Variants in APOO observed in about 807,000 individuals in gnomAD.
APOO encodes the protein apolipoprotein O.
In APOO, 11 loss-of-function variants were observed where a neutral mutation model predicts 23.1. That is an observed-to-expected ratio of 0.48 (90% CI 0.30 to 0.79). The LOEUF is 0.79. Ranked by LOEUF, APOO falls within the 30% of genes least tolerant of loss-of-function variation. The pLI, the probability that APOO is intolerant of heterozygous loss-of-function variation, is 0.07. For synonymous variants in APOO, 59 were observed against 54.8 expected (o/e 1.08, Z -0.34); for missense variants, 160 against 142.7 (o/e 1.12, Z -0.62).
chrX:23,845,377 C>G (rs1924182844), intron 7 of APOO, among the ~76,000 whole-genome samples: 1 of 111,988 alleles, frequency 8.9e-6, no homozygotes, highest in Non-Finnish European at 1.9e-5. Context: ...AACATGACAT[C>G]TGCCCTCTTG....
chrX:23,849,369 A>T (rs1924414275), intron 7 of APOO, among the ~76,000 whole-genome samples: 2 of 108,531 alleles, frequency 1.8e-5, no homozygotes, highest in African/African-American at 6.7e-5. Context: ...TGCCAAAAGG[A>T]TCAAACAGGA....
chrX:23,862,494 G>T (rs970371751), intron 5 of APOO, among the ~76,000 whole-genome samples: 1 of 109,930 alleles, frequency 9.1e-6, no homozygotes, highest in Non-Finnish European at 1.9e-5. Flanking sequence ...ACACAAGATA[G>T]GCTGGGCGCA....
intron 1 of APOO, among the ~76,000 whole-genome samples, chrX:23,891,641 G>A (rs1472589231): frequency 9.0e-6 from 1 of 111,667 alleles, no homozygotes; most frequent in Non-Finnish European, 1.9e-5. Context: ...CTAACTCCCT[G>A]AGGGACATGT....
chrX:23,889,731 T>C lies in APOO; in HGVS notation c.10-8779A>G, dbSNP rs773525335. On this transcript the variant is annotated intron_variant, in intron 1 of 8. Transcript: ENST00000379226. ...AGGCTGGAGTGCAGTGGTGCGATCTTGGCTCACTGCAAGCTCCGCCTCCTG... is the reference window on the plus strand; with the variant it reads ...AGGCTGGAGTGCAGTGGTGCGATCTCGGCTCACTGCAAGCTCCGCCTCCTG... 3.8e-3 allele frequency among the ~76,000 whole-genome samples: 389 copies of C among 102,662 alleles called. 1 individual carries two copies. Among genetic ancestry groups the C allele is most frequent in the Non-Finnish European group, 5.2e-3 (266 of 50,727 alleles). 89.1% of individuals were successfully genotyped at this position (102,662 alleles called of 115,157 possible). A position where few individuals can be genotyped will look rare whatever the true frequency, so the allele number is the denominator to read the frequency against.
intron 1 of APOO, among the ~76,000 whole-genome samples, chrX:23,897,179 G>GCCTC (rs1926937010): frequency 8.9e-6 from 1 of 111,751 alleles, no homozygotes; most frequent in African/African-American, 3.3e-5. Flanking sequence ...TTTCATCTTT[G>GCCTC]GAGGGTAGAA....
chrX:23,885,272 G>T (rs1010808472), intron 1 of APOO, among the ~76,000 whole-genome samples: 8 of 108,968 alleles, frequency 7.3e-5, no homozygotes, highest in African/African-American at 2.7e-4. Flanking sequence ...GGTGGCAGAC[G>T]CCTGTAATCC....
At chrX:23,872,292 G>A (rs1925653798) in intron 4 of APOO, among the ~76,000 whole-genome samples, 1 of 110,889 alleles carries the variant, frequency 9.0e-6, no homozygotes, top group Non-Finnish European at 1.9e-5. Context: ...AGCTACTCGG[G>A]AGGCTGAGCT....
intron 1 of APOO, among the ~76,000 whole-genome samples, chrX:23,898,718 A>G (rs1397874933): frequency 1.8e-5 from 2 of 111,964 alleles, no homozygotes; most frequent in African/African-American, 3.2e-5. Flanking sequence ...CTATCTGCCA[A>G]GTGAGGTAAA....
At chrX:23,862,461 A>G (rs1925099560) in intron 5 of APOO, among the ~76,000 whole-genome samples, 1 of 110,487 alleles carries the variant, frequency 9.1e-6, no homozygotes, top group South Asian at 3.8e-4. Context: ...AAGGAAAAAG[A>G]ATGAGAGTAA....
intron 7 of APOO, among the ~76,000 whole-genome samples, chrX:23,853,380 T>C (rs1177100723): frequency 8.9e-6 from 1 of 111,766 alleles, no homozygotes; most frequent in African/African-American, 3.2e-5. Context: ...ATCAAGTAAT[T>C]CCTGAAATTT....
chrX:23,864,136 C>A (rs1479707057), intron 5 of APOO, among the ~76,000 whole-genome samples: 2 of 109,239 alleles, frequency 1.8e-5, no homozygotes, highest in Non-Finnish European at 3.8e-5. Flanking sequence ...TCTGGGATTA[C>A]AGGTATGCGC....
chrX:23,878,164 A>T (rs1925942855), intron 3 of APOO, among the ~76,000 whole-genome samples: 1 of 112,134 alleles, frequency 8.9e-6, no homozygotes, highest in Non-Finnish European at 1.9e-5. Flanking sequence ...ACTGATTTGT[A>T]TAGTGGGGGG....
chrX:23,889,800 T>C (rs898649770), intron 1 of APOO, among the ~76,000 whole-genome samples: 3 of 108,903 alleles, frequency 2.8e-5, no homozygotes, highest in Admixed American at 9.9e-5. Flanking sequence ...TAGCTGGGAC[T>C]ACAGGCACCA....
chrX:23,884,301 T>A, intron 1 of APOO, among the ~76,000 whole-genome samples: 1 of 109,159 alleles, frequency 9.2e-6, no homozygotes. Flanking sequence ...AGGAAAGAAA[T>A]AAGGGCCCAA....
chrX:23,864,395 C>A (rs6629754), intron 5 of APOO, among the ~76,000 whole-genome samples: 13,134 of 109,420 alleles, frequency 0.12, 895 homozygotes, highest in South Asian at 0.53. Context: ...CTCTGCCTCC[C>A]GGGTTCAAGT....
rs1475692140 is a variant in APOO, at chrX:23,880,356, AAT to A, written c.117+487_117+488del. Reference sequence around the variant, plus strand: ...TTATCTGTTGAAAAAGCCATAGTTTAATATTTCCCACAAATTAAACAAACTAT... The same window carrying A: ...TTATCTGTTGAAAAAGCCATAGTTTAATTTCCCACAAATTAAACAAACTAT... On this transcript the variant is annotated intron_variant, in intron 2 of 8. Transcript: ENST00000379226. 6.3e-5 allele frequency among the ~76,000 whole-genome samples: 7 copies of A among 111,885 alleles called. No individual in the cohort carries two copies. The East Asian group carries it at 2.0e-3, about 31-fold the overall frequency.
chrX:23,847,282 T>C (rs934262053), intron 7 of APOO, among the ~76,000 whole-genome samples: 3 of 111,952 alleles, frequency 2.7e-5, no homozygotes, highest in Admixed American at 9.5e-5. Flanking sequence ...CTATCAAATA[T>C]GTTTAAATCT....
intron 4 of APOO, 46 bp from the exon 5 acceptor site, chrX:23,868,734 A>G: frequency 9.5e-7 from 1 of 1,057,060 alleles, no homozygotes; most frequent in Non-Finnish European, 1.3e-6. Context: ...ATTTCTCATT[A>G]AAAAACAAAA....
intron 8 of APOO, chrX:23,837,386 T>C (rs1923744496): frequency 1.4e-6 from 1 of 709,448 alleles, no homozygotes; most frequent in South Asian, 2.5e-5. Context: ...TACAATTATA[T>C]GCCTTCAGTA....
Sources: allele counts gnomAD v4.1 joint callset (sites outside exome capture counted in the v4.1 genomes callset), GRCh38; gene constraint gnomAD v4.1.1; transcripts MANE v1.5; gene names NCBI Gene and HGNC (gene_info 2026-07-23, HGNC 2026-07-21).